Variants in RNF213 observed in about 807,000 individuals in gnomAD.
The protein encoded by RNF213 is E3 ubiquitin-protein ligase RNF213.
In RNF213, 341 loss-of-function variants were observed where a neutral mutation model predicts 514.4. That is an observed-to-expected ratio of 0.66 (90% CI 0.61 to 0.73). The LOEUF (loss-of-function observed/expected upper bound fraction) is 0.73, where lower values mean the gene tolerates loss of function less well. RNF213 is among the 30% of genes least tolerant of loss of function. The pLI, the probability that RNF213 is intolerant of heterozygous loss-of-function variation, is 0.00. For missense variants in RNF213, 5,767 were observed against 6,615.6 expected, an observed-to-expected ratio of 0.87 and a Z score of 4.45; for synonymous variants, 2,655 against 2,658.2, an observed-to-expected ratio of 1.00 and a Z score of 0.04.
chr17:80,322,394 G>GT (rs1555656589), intron 17 of RNF213, among the ~76,000 whole-genome samples: 1 of 151,898 alleles, frequency 6.6e-6, no homozygotes, highest in Non-Finnish European at 1.5e-5. Flanking sequence ...GGCTAACACG[G>GT]TGACACCCTG....
rs930395362 is a variant in RNF213, at chr17:80,395,411, C to T, written c.*1913C>T. 67 of 152,324 alleles carry T rather than the reference C, an allele frequency of 4.4e-4. No homozygotes were observed. Among genetic ancestry groups the T allele is most frequent in the African/African-American group, 1.4e-3 (60 of 41,570 alleles). 9.4% of individuals were successfully genotyped at this position (152,324 alleles called of 1,614,324 possible). A position where few individuals can be genotyped will look rare whatever the true frequency, so the allele number is the denominator to read the frequency against. On this transcript the variant is annotated 3_prime_UTR_variant, in exon 68 of 68. Coordinates refer to ENST00000582970, the MANE Select transcript of RNF213 (RefSeq NM_001256071.3). ...TCTTTGTGGAAATGTCCTTTAGAAGCACCCATGAAGTAGTGTGTTCAGACT... is the reference window on the plus strand; with the variant it reads ...TCTTTGTGGAAATGTCCTTTAGAAGTACCCATGAAGTAGTGTGTTCAGACT...
At chr17:80,336,095 C>T in intron 22 of RNF213, 66 bp from the exon 23 acceptor site, 2 of 1,340,886 alleles carry the variant, frequency 1.5e-6, no homozygotes, top group Non-Finnish European at 2.1e-6. Context: ...AGGATTACTG[C>T]CCAAGACCGA....
intron 42 of RNF213, 189 bp downstream of exon 42, chr17:80,364,742 C>T: frequency 1.5e-6 from 1 of 659,788 alleles, no homozygotes; most frequent in Non-Finnish European, 2.6e-6. Flanking sequence ...AATTATTTAC[C>T]CTCTGCTGAT....
rs2045988415 is a variant in RNF213, at chr17:80,317,533, C to T, written c.2901+256C>T. ...CATGGGGGTGCGGGATTTTTCCTGA[C>T]CCCTTCGTTGGACTTGCGACAGGGA... On this transcript the variant is annotated intron_variant, in intron 16 of 67. Coordinates refer to ENST00000582970, the MANE Select transcript of RNF213 (RefSeq NM_001256071.3). This position sits in a 1 kb window ranked among gnomAD's most constrained non-coding sequence, Gnocchi z 4.1. 1.3e-5 allele frequency among the ~76,000 whole-genome samples: 2 copies of T among 152,168 alleles called. No homozygotes were observed. Among genetic ancestry groups the T allele is most frequent in the South Asian group, 4.1e-4 (2 of 4,832 alleles).
rs138048764 is a variant in RNF213, at chr17:80,291,574, A to T, written c.1272-54A>T. ...CTCCATGCTACGTTTGAGAATAACT[A>T]AAATTTCCGGGGTAGGAATTTTGGA... On this transcript the variant is annotated intron_variant, in intron 7 of 67. Coordinates refer to ENST00000582970, the MANE Select transcript of RNF213 (RefSeq NM_001256071.3). 7.6e-6 allele frequency: 12 copies of T among 1,570,824 alleles called. No homozygotes were observed. In the East Asian group the frequency reaches 2.7e-4, roughly 35 times the overall value.
intron 35 of RNF213, 29 bp from the exon 36 acceptor site, chr17:80,354,412 G>T (rs1461404824): frequency 6.2e-7 from 1 of 1,614,160 alleles, no homozygotes; most frequent in East Asian, 2.2e-5. Context: ...CCACGGCCAT[G>T]CTGAACGTCT....
intron 54 of RNF213, 170 bp from the exon 55 acceptor site, chr17:80,379,450 A>C: frequency 1.4e-6 from 1 of 699,230 alleles, no homozygotes; most frequent in East Asian, 2.7e-5. Flanking sequence ...ATTAGTGAGT[A>C]CCTACCCTGT....
chr17:80,303,710 C>A (rs1015422204), intron 11 of RNF213, among the ~76,000 whole-genome samples: 1 of 151,518 alleles, frequency 6.6e-6, no homozygotes, highest in African/African-American at 2.4e-5. Context: ...ACTACAGGTG[C>A]ATGTCATCAC....
chr17:80,309,061 C>G lies in RNF213; in HGVS notation c.2545C>G (p.Leu849Val), dbSNP rs754968520. Reference protein sequence around the residue: ...ALSPSYLTVCLKLHEAICSST... With the variant: ...ALSPSYLTVCVKLHEAICSST... ...GTCACCATCCTACCTGACTGTGTGT[C>G]TGAAACTGCATGAAGCCATCTGCAG... Residue 849 changes from leucine to valine, a missense_variant, in exon 14 of 68, where the codon CTG becomes GTG. Physicochemically the swap from Leu to Val is conservative, Grantham distance 32 (BLOSUM62 1). Transcript: ENST00000582970. 6.2e-7 allele frequency: 1 copy of G among 1,614,174 alleles called. No individual in the cohort carries two copies. Among genetic ancestry groups the G allele is most frequent in the African/African-American group, 1.3e-5 (1 of 75,048 alleles).
At chr17:80,340,556 G>T in intron 26 of RNF213, 200 bp downstream of exon 26, 1 of 595,108 alleles carries the variant, frequency 1.7e-6, no homozygotes, top group Non-Finnish European at 3.0e-6. Flanking sequence ...GTATTCCCTG[G>T]GAGCCCCATT....
chr17:80,290,203 T>TG (rs955481846), intron 6 of RNF213, among the ~76,000 whole-genome samples: 1 of 152,046 alleles, frequency 6.6e-6, no homozygotes, highest in African/African-American at 2.4e-5. Flanking sequence ...GAGACCTCCA[T>TG]GGGGGGTGGT....
chr17:80,357,498 CTT>C (rs2078876613), intron 36 of RNF213, among the ~76,000 whole-genome samples: 1 of 152,148 alleles, frequency 6.6e-6, no homozygotes, highest in African/African-American at 2.4e-5. Flanking sequence ...CATGTGCCTT[CTT>C]GTTTAGTTTG....
intron 21 of RNF213, 199 bp from the exon 22 acceptor site, chr17:80,333,906 A>T: frequency 1.7e-6 from 1 of 594,222 alleles, no homozygotes; most frequent in Non-Finnish European, 3.0e-6. Context: ...ATCACAGTTC[A>T]TCTTGATCAG....
Position 80,353,417 on chromosome 17 carries a change from T to A in RNF213, c.10424-95T>A. On this transcript the variant is annotated intron_variant, in intron 33 of 67. Coordinates refer to ENST00000582970, the MANE Select transcript of RNF213 (RefSeq NM_001256071.3). This position sits in a 1 kb window ranked among gnomAD's most constrained non-coding sequence, Gnocchi z 5.0. ...CAGCAGGGGCCGGGGAAGCCTGCAC[T>A]CGGAGGCTGAGCACACAGACTCCCA... The A allele has an allele frequency of 7.1e-7, 1 of 1,404,486 alleles. No individual in the cohort carries two copies. Among genetic ancestry groups the A allele is most frequent in the East Asian group, 2.5e-5 (1 of 40,254 alleles). 87.0% of individuals were successfully genotyped at this position (1,404,486 alleles called of 1,614,324 possible). A position where few individuals can be genotyped will look rare whatever the true frequency, so the allele number is the denominator to read the frequency against.
intron 14 of RNF213, 123 bp downstream of exon 14, chr17:80,309,294 G>A: frequency 1.7e-6 from 2 of 1,179,452 alleles, no homozygotes; most frequent in Non-Finnish European, 2.5e-6. Flanking sequence ...GGTGGTTTCA[G>A]CAGTGGACAT....
At chr17:80,336,435 C>A (rs926174737) in intron 23 of RNF213, 57 bp downstream of exon 23, 1 of 1,437,900 alleles carries the variant, frequency 7.0e-7, no homozygotes, top group Non-Finnish European at 9.5e-7. Context: ...TGCTTAGCAA[C>A]GTTAGGGCAG....
intron 58 of RNF213, 76 bp from the exon 59 acceptor site, chr17:80,383,601 G>A (rs764191111): frequency 7.5e-6 from 11 of 1,461,248 alleles, no homozygotes; most frequent in Non-Finnish European, 1.1e-5. Flanking sequence ...ACCCACTGGT[G>A]GAGTTACTGG....
At chr17:80,358,140 A>G (rs2078902591) in intron 36 of RNF213, 148 bp from the exon 37 acceptor site, 2 of 658,758 alleles carry the variant, frequency 3.0e-6, no homozygotes, top group South Asian at 3.4e-5. Context: ...AATGATGGAA[A>G]TGTCAAGTTA....
rs1270581362 is a variant in RNF213, at chr17:80,363,060, T to G, written c.11356-42T>G. On this transcript the variant is annotated intron_variant, in intron 39 of 67. Transcript: ENST00000582970. Reference sequence around the variant, plus strand: ...TCCCACGGGGAAAACATACCATTTTTGTAATTTAAAAATATATTCTAAAAG... The same window carrying G: ...TCCCACGGGGAAAACATACCATTTTGGTAATTTAAAAATATATTCTAAAAG... The G allele has an allele frequency of 3.9e-6, 6 of 1,549,154 alleles. No individual in the cohort carries two copies. The South Asian group carries it at 6.8e-5, about 18-fold the overall frequency.
Sources: gnomAD v4.1 joint callset for allele counts (sites outside exome capture counted in the v4.1 genomes callset) on GRCh38, gnomAD v4.1.1 for gene constraint, Gnocchi (gnomAD v3.1) non-coding constraint, MANE v1.5 for transcripts, NCBI Gene and HGNC (gene_info 2026-07-23, HGNC 2026-07-21) for gene names.